AGBL1: variants seen among roughly 807,000 people sequenced by gnomAD.
AGBL1 encodes AGBL carboxypeptidase 1, also known as cytosolic carboxypeptidase 4.
In AGBL1, 130 loss-of-function variants were observed where a neutral mutation model predicts 118.9. That is an observed-to-expected ratio of 1.09 (90% CI 0.95 to 1.26). The LOEUF (loss-of-function observed/expected upper bound fraction) is 1.26, where lower values mean the gene tolerates loss of function less well. AGBL1 is among the 50% of genes most tolerant of loss of function. AGBL1 has a pLI of 0.00. For missense variants in AGBL1, 1,584 were observed against 1,298.1 expected (o/e 1.22, Z -3.38); for synonymous variants, 555 against 478.9 (o/e 1.16, Z -2.08).
intron 22 of AGBL1, among the ~76,000 whole-genome samples, chr15:86,787,978 G>T (rs1365906526): frequency 6.6e-6 from 1 of 152,090 alleles, no homozygotes; most frequent in Non-Finnish European, 1.5e-5. Context: ...AAACTGTGGT[G>T]CATCTTTTTG....
chr15:86,191,218 G>A (rs2077713821), intron 5 of AGBL1, among the ~76,000 whole-genome samples: 1 of 151,680 alleles, frequency 6.6e-6, no homozygotes, highest in Non-Finnish European at 1.5e-5. Context: ...TGTGGTGGCA[G>A]GCGCCTGTAA....
intron 22 of AGBL1, among the ~76,000 whole-genome samples, chr15:86,748,537 T>TTTTTTTTTTTTTTTTC (rs2077794265): frequency 7.3e-6 from 1 of 137,800 alleles, no homozygotes; most frequent in Non-Finnish European, 1.6e-5. Context: ...TTTTTTTTTT[T>TTTTTTTTTTTTTTTTC]TTTTTTTTTG....
chr15:86,392,388 A>G (rs1327304155), intron 17 of AGBL1, among the ~76,000 whole-genome samples: 2 of 152,194 alleles, frequency 1.3e-5, no homozygotes, highest in East Asian at 3.8e-4. Flanking sequence ...GTCACAATGA[A>G]TACTCCACTG....
rs1164742343 is a variant in AGBL1 at position 86,844,806 on chromosome 15, C to G, written c.3159-62281C>G. 4.6e-5 allele frequency among the ~76,000 whole-genome samples: 7 copies of G among 151,992 alleles called. No homozygotes were observed. In the South Asian group the frequency reaches 8.3e-4, roughly 18 times the overall value. Reference sequence around the variant, plus strand: ...TTGCCCAAAGTAATGAAAATTTTGTCCTATATTTCCATCTGAGTTTGATAG... The same window carrying G: ...TTGCCCAAAGTAATGAAAATTTTGTGCTATATTTCCATCTGAGTTTGATAG... On this transcript the variant is annotated intron_variant, in intron 22 of 22. Coordinates refer to ENST00000614907, the MANE Select transcript of AGBL1 (RefSeq NM_001386094.1).
At chr15:86,809,117 A>G (rs1228684482) in intron 22 of AGBL1, among the ~76,000 whole-genome samples, 1 of 152,180 alleles carries the variant, frequency 6.6e-6, no homozygotes, top group African/African-American at 2.4e-5. Flanking sequence ...TTAGAAAAAT[A>G]TAACAGACTT....
At chr15:86,579,346 T>A (rs1375164241) in intron 21 of AGBL1, among the ~76,000 whole-genome samples, 1 of 152,204 alleles carries the variant, frequency 6.6e-6, no homozygotes, top group Non-Finnish European at 1.5e-5. Flanking sequence ...ACTGCAAGAT[T>A]TATAACAAAT....
chr15:86,247,979 A>G (rs758515624), intron 7 of AGBL1, 100 bp downstream of exon 7: 75 of 1,434,244 alleles, frequency 5.2e-5, no homozygotes, highest in Non-Finnish European at 7.1e-5. Flanking sequence ...GGAACGCCTC[A>G]GTCTATTTCT....
chr15:86,366,917 T>C (rs2080896024), intron 17 of AGBL1, among the ~76,000 whole-genome samples: 1 of 152,156 alleles, frequency 6.6e-6, no homozygotes, highest in African/African-American at 2.4e-5. Flanking sequence ...GACCCCATAC[T>C]CTGCGACACC....
At chr15:86,807,846 GT>G (rs2078739626) in intron 22 of AGBL1, among the ~76,000 whole-genome samples, 1 of 152,122 alleles carries the variant, frequency 6.6e-6, no homozygotes, top group Non-Finnish European at 1.5e-5. Flanking sequence ...CCTACAGTAT[GT>G]GAGAGATAAT....
intron 21 of AGBL1, among the ~76,000 whole-genome samples, chr15:86,662,055 T>C (rs1276329199): frequency 6.6e-6 from 1 of 152,238 alleles, no homozygotes; most frequent in Non-Finnish European, 1.5e-5. Context: ...CACTTCTGAA[T>C]ACTTGGCCTT....
At chr15:86,454,799 T>C (rs569325648) in intron 18 of AGBL1, among the ~76,000 whole-genome samples, 2 of 152,184 alleles carry the variant, frequency 1.3e-5, no homozygotes, top group Non-Finnish European at 2.9e-5. Context: ...ATATCTTGAC[T>C]GTGAGAGTGA....
chr15:86,547,369 T>C (rs2083597532), intron 20 of AGBL1, among the ~76,000 whole-genome samples: 1 of 152,110 alleles, frequency 6.6e-6, no homozygotes, highest in Non-Finnish European at 1.5e-5. Context: ...CTTCTCTTTT[T>C]CCAAGGGAAG....
intron 21 of AGBL1, among the ~76,000 whole-genome samples, chr15:86,624,378 A>G (rs1162625637): frequency 6.6e-6 from 1 of 152,250 alleles, no homozygotes; most frequent in Admixed American, 6.5e-5. Flanking sequence ...CACATTCAAC[A>G]TGCAGTAACA....
intron 24 of AGBL1, among the ~76,000 whole-genome samples, chr15:87,018,899 C>CACAT (rs2081634088): frequency 6.6e-6 from 1 of 151,996 alleles, no homozygotes; most frequent in African/African-American, 2.4e-5. Context: ...TGCAAAGAAA[C>CACAT]ACATAGTCTC....
Position 86,158,805 on chromosome 15 carries a change from T to A in AGBL1, c.395-128T>A, listed in dbSNP as rs556433439. The A allele has an allele frequency of 3.6e-5, 26 of 724,286 alleles. 1 individual carries two copies. In the South Asian group the frequency reaches 4.0e-4, roughly 11 times the overall value. 44.9% of individuals were successfully genotyped at this position (724,286 alleles called of 1,614,324 possible). ...ATTATAGAGGAATGTGCAACCAGGG[T>A]GGAAAAGAAAGGGAGCTATCTTGTT... On this transcript the variant is annotated intron_variant, in intron 4 of 22. Transcript: ENST00000614907.
chr15:86,429,841 C>T (rs1207072514), intron 18 of AGBL1, among the ~76,000 whole-genome samples: 3 of 152,178 alleles, frequency 2.0e-5, no homozygotes, highest in African/African-American at 4.8e-5. Flanking sequence ...AAGGGAAATT[C>T]GTAGTTGAAA....
rs572601044 is a variant in AGBL1, at chr15:86,091,563, G to GC, written c.51+11540_51+11541insC. On this transcript the variant is annotated intron_variant, in intron 1 of 22. Coordinates refer to ENST00000614907, the MANE Select transcript of AGBL1 (RefSeq NM_001386094.1). Reference sequence around the variant, plus strand: ...TACACTGCAAGGCAGTGAGTCATAAGTTTTTGTTTTTCTTTTTTAATCCCA... The same window carrying GC: ...TACACTGCAAGGCAGTGAGTCATAAGCTTTTTGTTTTTCTTTTTTAATCCCA... Among the ~76,000 whole-genome samples the GC allele has an allele frequency of 3.2e-3, 495 of 152,320 alleles. 16 individuals carry two copies. In the South Asian group the frequency reaches 0.066, roughly 20 times the overall value.
intron 22 of AGBL1, among the ~76,000 whole-genome samples, chr15:86,812,929 A>AT (rs576829322): frequency 2.2e-3 from 321 of 149,086 alleles, no homozygotes; most frequent in East Asian, 2.9e-3. Flanking sequence ...TAAAGGAGAG[A>AT]TTTTTTTTTT....
chr15:86,888,418 A>T (rs529606079), intron 22 of AGBL1, among the ~76,000 whole-genome samples: 3 of 152,258 alleles, frequency 2.0e-5, no homozygotes, highest in Non-Finnish European at 4.4e-5. Flanking sequence ...CAGATGAATC[A>T]TATACCTTTA....
Sources: gnomAD v4.1 joint callset for allele counts (sites outside exome capture counted in the v4.1 genomes callset) on GRCh38, gnomAD v4.1.1 for gene constraint, MANE v1.5 for transcripts, NCBI Gene and HGNC (gene_info 2026-07-23, HGNC 2026-07-21) for gene names.